Variants in NCKAP5 observed in about 807,000 individuals in gnomAD.
NCKAP5 encodes the protein NCK associated protein 5, also known as nck-associated protein 5.
In NCKAP5, 92 loss-of-function variants were observed where a neutral mutation model predicts 167.0. That is an observed-to-expected ratio of 0.55 (90% CI 0.47 to 0.66). The LOEUF is 0.66. NCKAP5 is among the 30% of genes least tolerant of loss of function. The pLI is 0.00. For synonymous variants in NCKAP5, 891 were observed against 877.4 expected (o/e 1.02, Z -0.27); for missense variants, 2,378 against 2,315.0 (o/e 1.03, Z -0.56).
At chr2:132,808,105 C>T (rs1048067997) in intron 11 of NCKAP5, among the ~76,000 whole-genome samples, 2 of 152,024 alleles carry the variant, frequency 1.3e-5, no homozygotes, top group African/African-American at 4.8e-5. Flanking sequence ...TGGTATGAAA[C>T]CCACTTGATC....
intron 3 of NCKAP5, among the ~76,000 whole-genome samples, chr2:133,444,234 TA>T (rs1253392055): frequency 2.6e-5 from 4 of 152,144 alleles, no homozygotes; most frequent in Non-Finnish European, 5.9e-5. Context: ...TACCATGGTC[TA>T]GGGAAAGACT....
chr2:133,172,740 C>T (rs34497516), intron 5 of NCKAP5, among the ~76,000 whole-genome samples: 21,379 of 152,108 alleles, frequency 0.14, 1,673 homozygotes, highest in East Asian at 0.38. Flanking sequence ...CTCCGCCTCC[C>T]GGGTTCATGC....
At position 133,041,094 on chromosome 2, in the gene NCKAP5, C is replaced by T. The variant is rs556508209; in HGVS notation, c.342-46855G>A. Among the ~76,000 whole-genome samples the T allele has an allele frequency of 3.5e-4, 54 of 152,206 alleles. No homozygotes were observed. The Middle Eastern group carries it at 0.014, about 38-fold the overall frequency. ...TACCCAAAAGGAGTTTTGCATACTT[C>T]GGAAGTTTTGCACATTTAATGGACT... On this transcript the variant is annotated intron_variant, in intron 6 of 19. Coordinates refer to ENST00000409261, the MANE Select transcript of NCKAP5 (RefSeq NM_207363.3).
At chr2:133,183,167 G>C (rs2084805028) in intron 5 of NCKAP5, among the ~76,000 whole-genome samples, 1 of 151,676 alleles carries the variant, frequency 6.6e-6, no homozygotes, top group African/African-American at 2.4e-5. Context: ...GGTTTCACTA[G>C]AGAAATCTAC....
At chr2:132,829,200 T>C (rs2105357087) in intron 11 of NCKAP5, among the ~76,000 whole-genome samples, 1 of 152,314 alleles carries the variant, frequency 6.6e-6, no homozygotes, top group Middle Eastern at 3.4e-3. Context: ...AGCATCAAAG[T>C]AAACAGCATG....
chr2:133,149,329 T>G (rs2083303931), intron 5 of NCKAP5, among the ~76,000 whole-genome samples: 2 of 152,136 alleles, frequency 1.3e-5, no homozygotes, highest in South Asian at 2.1e-4. Context: ...CAAAACCAGA[T>G]GTAAAGCTAC....
upstream of NCKAP5, among the ~76,000 whole-genome samples, chr2:133,572,026 A>T (rs1457269018): frequency 6.6e-6 from 1 of 152,160 alleles, no homozygotes; most frequent in Non-Finnish European, 1.5e-5. Context: ...GTTACACACT[A>T]TTATCTTCAC....
the NCKAP5 span, among the ~76,000 whole-genome samples, chr2:133,603,055 G>A: frequency 6.6e-6 from 1 of 152,252 alleles, no homozygotes; most frequent in South Asian, 2.1e-4. Flanking sequence ...GAGTGAAGGG[G>A]AGGATCACCG....
chr2:132,803,816 C>A (rs1352514332), intron 11 of NCKAP5, among the ~76,000 whole-genome samples: 1 of 152,118 alleles, frequency 6.6e-6, no homozygotes, highest in Non-Finnish European at 1.5e-5. Flanking sequence ...ATGAGAGACT[C>A]AAGGAAGCTC....
chr2:133,636,250 G>T, the NCKAP5 span, among the ~76,000 whole-genome samples: 1 of 152,186 alleles, frequency 6.6e-6, no homozygotes, highest in African/African-American at 2.4e-5. Context: ...GAGTTTAGAG[G>T]TCAGGACACT....
chr2:133,345,157 A>G (rs1045892320), intron 3 of NCKAP5, among the ~76,000 whole-genome samples: 1 of 152,030 alleles, frequency 6.6e-6, no homozygotes, highest in African/African-American at 2.4e-5. Context: ...ACAGCCTTTA[A>G]AAGATAACCC....
At chr2:133,440,923 ATG>A (rs773070109) in intron 3 of NCKAP5, among the ~76,000 whole-genome samples, 12 of 152,108 alleles carry the variant, frequency 7.9e-5, no homozygotes, top group Non-Finnish European at 1.3e-4. Flanking sequence ...ATTATTAAGG[ATG>A]AAACTACTTG....
intron 3 of NCKAP5, among the ~76,000 whole-genome samples, chr2:133,464,139 T>G (rs1480752496): frequency 6.6e-6 from 1 of 152,184 alleles, no homozygotes; most frequent in Non-Finnish European, 1.5e-5. Context: ...ATATGAGTCC[T>G]CTGGGCTTCT....
intron 8 of NCKAP5, among the ~76,000 whole-genome samples, chr2:132,886,704 T>C (rs1470717320): frequency 2.0e-5 from 3 of 152,248 alleles, no homozygotes; most frequent in African/African-American, 7.2e-5. Flanking sequence ...TTTTAATATT[T>C]ATGGCGAGAA....
At chr2:132,724,249 T>C (rs1276116293) in intron 19 of NCKAP5, among the ~76,000 whole-genome samples, 1 of 152,190 alleles carries the variant, frequency 6.6e-6, no homozygotes, top group African/African-American at 2.4e-5. Flanking sequence ...TGCCTGACTT[T>C]GTCTTTTCTG....
At chr2:133,270,912 A>T (rs910455610) in intron 4 of NCKAP5, among the ~76,000 whole-genome samples, 38 of 128,988 alleles carry the variant, frequency 2.9e-4, no homozygotes, top group East Asian at 2.2e-3. Context: ...GTTGCTTCAA[A>T]TTTTTTTTTT....
chr2:133,644,216 C>T, the NCKAP5 span, among the ~76,000 whole-genome samples: 1 of 152,108 alleles, frequency 6.6e-6, no homozygotes, highest in Non-Finnish European at 1.5e-5. Flanking sequence ...TGTGCCTCAT[C>T]CAATCTATTG....
At chr2:133,557,447 C>T (rs745376786) in intron 2 of NCKAP5, among the ~76,000 whole-genome samples, 3 of 152,164 alleles carry the variant, frequency 2.0e-5, no homozygotes, top group African/African-American at 4.8e-5. Flanking sequence ...GCACAGCCCT[C>T]GCCTGCCCAG....
chr2:133,225,240 A>G (rs1260912871), intron 4 of NCKAP5, among the ~76,000 whole-genome samples: 1 of 56,134 alleles, frequency 1.8e-5, no homozygotes, highest in Non-Finnish European at 4.4e-5. Flanking sequence ...TTCTTGAGGG[A>G]AAAAAAACAT....
Sources: gnomAD v4.1 joint callset for allele counts (sites outside exome capture counted in the v4.1 genomes callset) on GRCh38, gnomAD v4.1.1 for gene constraint, MANE v1.5 for transcripts, NCBI Gene and HGNC (gene_info 2026-07-23, HGNC 2026-07-21) for gene names.